MISP: variants seen among roughly 807,000 people sequenced by gnomAD.
MISP encodes mitotic interactor and substrate of PLK1.
MISP carries 51 observed loss-of-function variants against 49.3 expected under a neutral mutation model. That is an observed-to-expected ratio of 1.03 (90% CI 0.83 to 1.31). MISP has a LOEUF of 1.31. MISP is among the 50% of genes most tolerant of loss of function. The pLI is 0.00. For missense variants in MISP, 1,084 were observed against 935.1 expected (o/e 1.16, Z -2.08); for synonymous variants, 444 against 392.6 (o/e 1.13, Z -1.55).
At chr19:762,323 G>A (rs1222109356) in intron 4 of MISP, among the ~76,000 whole-genome samples, 2 of 151,348 alleles carry the variant, frequency 1.3e-5, no homozygotes, top group Admixed American at 1.3e-4. Context: ...CTTGACCTCG[G>A]CTCACTGCAA....
intron 1 of MISP, among the ~76,000 whole-genome samples, chr19:755,419 A>T (rs2033534970): frequency 6.6e-6 from 1 of 152,200 alleles, no homozygotes; most frequent in Non-Finnish European, 1.5e-5. Flanking sequence ...TGGGCAGGGC[A>T]GGGTGGAGAA....
At chr19:759,827 T>G (rs2033642802) in intron 2 of MISP, 82 bp from the exon 3 acceptor site, 1 of 1,532,770 alleles carries the variant, frequency 6.5e-7, no homozygotes, top group Admixed American at 1.8e-5. Context: ...ATCTGTCTCC[T>G]TAGCTGCTGG....
In MISP at chr19:757,801, G is replaced by A. The variant is rs776368826; in HGVS notation, c.855G>A (p.Pro285=). The part of the protein sequence containing the change: ...DPGSLASVES[P]GTPKETPIER... ...GCTCCTTGGCCTCAGTGGAGTCCCC[G>A]GGGACCCCCAAGGAGACGCCCATCG... The change falls in exon 2 of 5, where the codon CCG becomes CCA. Residue 285 remains proline, a synonymous_variant. Transcript: ENST00000215582. The A allele has an allele frequency of 5.8e-5, 93 of 1,611,852 alleles. No individual in the cohort carries two copies. The highest frequency in any genetic ancestry group is 1.6e-4 in the Middle Eastern group (1 of 6,066).
upstream of MISP, among the ~76,000 whole-genome samples, chr19:750,516 T>C (rs2033446002): frequency 6.6e-6 from 1 of 152,032 alleles, no homozygotes. Context: ...TATGGGTTTT[T>C]ATGTGGATGG....
chr19:752,728 T>C (rs1166289694), intron 1 of MISP, among the ~76,000 whole-genome samples: 1 of 138,166 alleles, frequency 7.2e-6, no homozygotes, highest in Non-Finnish European at 1.6e-5. Context: ...TGCTCGAGGC[T>C]GGGCGGACAG....
chr19:761,556 G>A, intron 3 of MISP, 69 bp from the exon 4 acceptor site: 2 of 1,571,440 alleles, frequency 1.3e-6, no homozygotes, highest in Admixed American at 1.7e-5. Context: ...GGCTGTGTGG[G>A]AGCTCTGGTC....
chr19:758,808 A>T (rs750518557), intron 2 of MISP, 82 bp downstream of exon 2: 69 of 1,181,400 alleles, frequency 5.8e-5, no homozygotes, highest in Non-Finnish European at 8.0e-5. Context: ...GTGGAGTTTG[A>T]GGCTGTCAAA....
At chr19:760,098 G>A in intron 3 of MISP, 59 bp downstream of exon 3, 1 of 1,600,440 alleles carries the variant, frequency 6.2e-7, no homozygotes, top group Non-Finnish European at 8.5e-7. Flanking sequence ...CCCTATTAGG[G>A]CCACAGGAAG....
At position 757,192 on chromosome 19, in the gene MISP, C is replaced by G; in HGVS notation, c.246C>G (p.Leu82=). The G allele has an allele frequency of 6.2e-7, 1 of 1,613,584 alleles. No homozygotes were observed. Among genetic ancestry groups the G allele is most frequent in the Non-Finnish European group, 8.5e-7 (1 of 1,179,976 alleles). The change falls in exon 2 of 5, where the codon CTC becomes CTG. Residue 82 remains leucine (L), a synonymous_variant. Transcript: ENST00000215582. ...AYTGQPSPRG[L]HSENREDEGW... ...CTGGCCAGCCGTCCCCACGGGGGCT[C>G]CACTCGGAGAACAGGGAGGATGAGG... is the stretch of plus-strand genomic sequence containing the variant.
rs35090443 is a variant in MISP, at chr19:757,354, G to A, written c.408G>A (p.Leu136=). The A allele has an allele frequency of 3.1e-3, 4,980 of 1,613,592 alleles. 133 individuals carry two copies. The African/African-American group carries it at 0.059, about 19-fold the overall frequency. The change falls in exon 2 of 5, where the codon CTG becomes CTA. Residue 136 remains leucine, a synonymous_variant. Coordinates refer to ENST00000215582, the MANE Select transcript of MISP (RefSeq NM_173481.4). The part of the protein sequence containing the change: ...LDAGDADPRR[L]CDLERERWAV... ...CTGGGGACGCTGACCCCAGGAGGCT[G>A]TGTGACCTGGAGCGGGAGCGCTGGG...
chr19:749,839 A>G (rs2033432460), upstream of MISP, among the ~76,000 whole-genome samples: 1 of 148,198 alleles, frequency 6.7e-6, no homozygotes, highest in Non-Finnish European at 1.5e-5. Flanking sequence ...AAAAAACACA[A>G]AAAAAGCACC....
At chr19:760,269 A>G in intron 3 of MISP, 1 of 467,136 alleles carries the variant, frequency 2.1e-6, no homozygotes. Context: ...CTTTGTCCCC[A>G]TCAGGAGGTC....
chr19:763,491 C>A lies in MISP; in HGVS notation c.1951-10C>A. The stretch of plus-strand genomic sequence containing the variant: ...CCTGGATCGGGGGAATTCATGCCTC[C>A]TTTTTGCAGGTCCTGGAAGCCATAC... On this transcript the variant is annotated splice_polypyrimidine_tract_variant and intron_variant, in intron 4 of 4. Transcript: ENST00000215582. 6.2e-7 allele frequency: 1 copy of A among 1,611,488 alleles called. No homozygotes were observed. The highest frequency in any genetic ancestry group is 2.2e-5 in the East Asian group (1 of 44,874).
chr19:755,484 TCA>T (rs757897125), intron 1 of MISP, among the ~76,000 whole-genome samples: 86 of 152,254 alleles, frequency 5.6e-4, no homozygotes, highest in Non-Finnish European at 9.3e-4. Context: ...TCTCTGGGCC[TCA>T]GTTTCTCCAT....
rs554521305 is a variant in MISP at position 753,319 on chromosome 19, C to T, written c.-58+2148C>T. Among the ~76,000 whole-genome samples, 352 of 152,206 alleles carry T rather than the reference C, an allele frequency of 2.3e-3. 2 individuals carry two copies. The highest frequency in any genetic ancestry group is 8.0e-3 in the African/African-American group (334 of 41,532). ...TCAACACGGCTCCCCACGGTCTCTC[C>T]ACTTTATGCTGTTTGATGCCACTTT... On this transcript the variant is annotated intron_variant, in intron 1 of 4. Coordinates refer to ENST00000215582, the MANE Select transcript of MISP (RefSeq NM_173481.4).
rs199523248 is a variant in MISP, at chr19:761,649, G to A, written c.1936G>A (p.Gly646Ser). 467 of 1,614,088 alleles carry A rather than the reference G, an allele frequency of 2.9e-4. No homozygotes were observed. Among genetic ancestry groups the A allele is most frequent in the East Asian group, 5.4e-4 (24 of 44,838 alleles). ...QWYAGINPSD[G>S]INSEVLEAIR... ...GTACGCTGGCATCAACCCCTCGGAC[G>A]GTATCAACTCAGAGGTGAGTATGCT... Residue 646 changes from glycine (G) to serine (S), a missense_variant, in exon 4 of 5, where the codon GGT (glycine) becomes AGT (serine). By Grantham distance (56) the Gly-to-Ser change is moderately conservative (BLOSUM62 0). Transcript: ENST00000215582.
upstream of MISP, among the ~76,000 whole-genome samples, chr19:750,389 G>A (rs747305151): frequency 2.0e-5 from 3 of 151,920 alleles, no homozygotes; most frequent in Non-Finnish European, 4.4e-5. Flanking sequence ...TAGTAGAGAC[G>A]GGGTTTCGCC....
intron 1 of MISP, among the ~76,000 whole-genome samples, chr19:756,636 A>T (rs1196891729): frequency 6.7e-6 from 1 of 149,344 alleles, no homozygotes; most frequent in Non-Finnish European, 1.5e-5. Context: ...GTACTGTGTC[A>T]CGCACCCCTA....
chr19:763,537 G>C lies in MISP; in HGVS notation c.1987G>C (p.Ala663Pro). Reference protein sequence around the residue: ...EAIRVTRHKNAMAERWESRIY... With the variant: ...EAIRVTRHKNPMAERWESRIY... ...CATACGGGTGACCCGTCACAAGAAC[G>C]CCATGGCAGAGCGCTGGGAATCCCG... Residue 663 changes from alanine to proline, a missense_variant, in exon 5 of 5, where the codon GCC (alanine) becomes CCC (proline). Transcript: ENST00000215582. 6.2e-7 allele frequency: 1 copy of C among 1,614,082 alleles called. No individual in the cohort carries two copies. The highest frequency in any genetic ancestry group is 8.5e-7 in the Non-Finnish European group (1 of 1,180,000).
Sources: allele counts gnomAD v4.1 joint callset (sites outside exome capture counted in the v4.1 genomes callset), GRCh38; gene constraint gnomAD v4.1.1; transcripts MANE v1.5; gene names NCBI Gene and HGNC (gene_info 2026-07-23, HGNC 2026-07-21).